UNC13C: variants seen among roughly 807,000 people sequenced by gnomAD.
The protein encoded by UNC13C is protein unc-13 homolog C.
UNC13C carries 174 observed loss-of-function variants against 245.4 expected under a neutral mutation model. The ratio of observed to expected loss-of-function variants is 0.71; its 90% CI spans 0.63 to 0.80. The LOEUF is 0.80. UNC13C is among the 30% of genes least tolerant of loss of function. The pLI is 0.00. For synonymous variants in UNC13C, 992 were observed against 895.1 expected, an observed-to-expected ratio of 1.11 and a Z score of -1.93; for missense variants, 2,829 against 2,602.9, an observed-to-expected ratio of 1.09 and a Z score of -1.89.
chr15:54,056,868 T>G (rs1480323363), intron 2 of UNC13C, among the ~76,000 whole-genome samples: 1 of 152,124 alleles, frequency 6.6e-6, no homozygotes, highest in Non-Finnish European at 1.5e-5. Flanking sequence ...CTAAGCTTCA[T>G]AAGTGAAGGA....
At chr15:54,553,223 T>C (rs1267856354) in intron 28 of UNC13C, among the ~76,000 whole-genome samples, 1 of 116,216 alleles carries the variant, frequency 8.6e-6, no homozygotes, top group Non-Finnish European at 1.6e-5. Flanking sequence ...ATATATATTA[T>C]ATATTGTATT....
At chr15:53,842,458 A>G in the UNC13C span, among the ~76,000 whole-genome samples, 2 of 152,108 alleles carry the variant, frequency 1.3e-5, no homozygotes, top group African/African-American at 4.8e-5. Context: ...TGAGTTTGTG[A>G]CTCAGAATTG....
chr15:53,888,254 C>T, the UNC13C span, among the ~76,000 whole-genome samples: 9 of 152,120 alleles, frequency 5.9e-5, no homozygotes, highest in African/African-American at 1.2e-4. Context: ...TTCCAGCTGG[C>T]GTGAGATGGT....
At chr15:54,529,133 C>T (rs1194494164) in intron 25 of UNC13C, among the ~76,000 whole-genome samples, 1 of 152,132 alleles carries the variant, frequency 6.6e-6, no homozygotes, top group Non-Finnish European at 1.5e-5. Context: ...ATGTAAATGC[C>T]AAGCCCAGAG....
At chr15:54,626,146 GTATC>G (rs1337474311) in intron 32 of UNC13C, among the ~76,000 whole-genome samples, 4 of 141,958 alleles carry the variant, frequency 2.8e-5, no homozygotes, top group Non-Finnish European at 6.3e-5. Flanking sequence ...AAGACAGACT[GTATC>G]TACCATATCA....
the UNC13C span, among the ~76,000 whole-genome samples, chr15:53,969,494 T>A: frequency 6.6e-6 from 1 of 151,866 alleles, no homozygotes; most frequent in South Asian, 2.1e-4. Context: ...GCCAGCCTGG[T>A]CAATATAGTG....
intron 14 of UNC13C, among the ~76,000 whole-genome samples, chr15:54,331,342 C>T (rs959974834): frequency 2.0e-5 from 3 of 152,032 alleles, no homozygotes; most frequent in African/African-American, 7.2e-5. Context: ...TAACCACACA[C>T]TTAATAAGAG....
At chr15:53,932,956 G>A in the UNC13C span, among the ~76,000 whole-genome samples, 1 of 152,150 alleles carries the variant, frequency 6.6e-6, no homozygotes, top group South Asian at 2.1e-4. Flanking sequence ...CTAAGCTCCA[G>A]CCATTCTGGT....
chr15:54,160,373 C>T (rs1281887537), intron 4 of UNC13C, among the ~76,000 whole-genome samples: 1 of 148,800 alleles, frequency 6.7e-6, no homozygotes, highest in Non-Finnish European at 1.5e-5. Flanking sequence ...GATGTTATTA[C>T]ACCCTCCTAA....
chr15:54,216,676 G>A (rs927899314), intron 4 of UNC13C, among the ~76,000 whole-genome samples: 2 of 152,024 alleles, frequency 1.3e-5, no homozygotes, highest in African/African-American at 4.8e-5. Flanking sequence ...AATTCAACAT[G>A]CCACTTAGTT....
At chr15:54,231,291 C>T (rs1039752698) in intron 4 of UNC13C, among the ~76,000 whole-genome samples, 13 of 152,008 alleles carry the variant, frequency 8.6e-5, no homozygotes, top group African/African-American at 2.9e-4. Flanking sequence ...AATGATCCTG[C>T]AGTGGAAATC....
chr15:54,381,732 A>G (rs190043613), intron 17 of UNC13C, among the ~76,000 whole-genome samples: 620 of 152,258 alleles, frequency 4.1e-3, no homozygotes, highest in Non-Finnish European at 7.4e-3. Flanking sequence ...CAGATTCATA[A>G]AGAAAATATT....
intron 30 of UNC13C, among the ~76,000 whole-genome samples, chr15:54,576,181 G>A (rs1851297736): frequency 6.6e-6 from 1 of 152,184 alleles, no homozygotes; most frequent in South Asian, 2.1e-4. Flanking sequence ...AAGACACGAT[G>A]TGTAAAGATT....
chr15:54,163,372 A>G (rs75679419), intron 4 of UNC13C, among the ~76,000 whole-genome samples: 5,117 of 152,268 alleles, frequency 0.034, 300 homozygotes, highest in African/African-American at 0.12. Context: ...GACCTTAATT[A>G]TAGGATTTCT....
At chr15:54,154,525 G>A (rs2032658202) in intron 4 of UNC13C, among the ~76,000 whole-genome samples, 2 of 151,994 alleles carry the variant, frequency 1.3e-5, no homozygotes, top group Admixed American at 1.3e-4. Flanking sequence ...GATAACCTAG[G>A]TTATGATACA....
At chr15:53,978,236 G>A (rs747961893), upstream of UNC13C, among the ~76,000 whole-genome samples, 8 of 152,238 alleles carry the variant, frequency 5.3e-5, no homozygotes, top group South Asian at 2.1e-4. Flanking sequence ...GCATTCAGGC[G>A]TCTCCCAGCG....
intron 30 of UNC13C, among the ~76,000 whole-genome samples, chr15:54,601,272 C>G (rs1899402259): frequency 6.6e-6 from 1 of 152,100 alleles, no homozygotes; most frequent in African/African-American, 2.4e-5. Flanking sequence ...CGCAGGGAAT[C>G]CAGAGGGTAA....
At chr15:54,363,235 A>C (rs2039277679) in intron 17 of UNC13C, among the ~76,000 whole-genome samples, 1 of 152,152 alleles carries the variant, frequency 6.6e-6, no homozygotes, top group Non-Finnish European at 1.5e-5. Context: ...CAGCCTCCCA[A>C]GTAGCTGGGA....
intron 17 of UNC13C, among the ~76,000 whole-genome samples, chr15:54,368,673 T>G (rs2140878584): frequency 6.6e-6 from 1 of 152,250 alleles, no homozygotes; most frequent in South Asian, 2.1e-4. Context: ...GTTAATTTTC[T>G]TAAGTGCTGT....
Sources: allele counts gnomAD v4.1 joint callset (sites outside exome capture counted in the v4.1 genomes callset), GRCh38; gene constraint gnomAD v4.1.1; transcripts MANE v1.5; gene names NCBI Gene and HGNC (gene_info 2026-07-23, HGNC 2026-07-21).